SCRN3: variants seen among roughly 807,000 people sequenced by gnomAD.
SCRN3 encodes the protein secernin 3.
Under a neutral mutation model 43.1 loss-of-function variants are expected in SCRN3, and 39 were observed. That is an observed-to-expected ratio of 0.91 (90% CI 0.70 to 1.18). SCRN3 has a LOEUF of 1.18. Among genes scored for constraint, SCRN3 ranks in the 50% most tolerant of loss-of-function variants. SCRN3 has a pLI of 0.00. For missense variants in SCRN3, 484 were observed against 498.0 expected (o/e 0.97, Z 0.27); for synonymous variants, 147 against 163.1 (o/e 0.90, Z 0.75).
At position 174,396,278 on chromosome 2, in the gene SCRN3, T is replaced by G. The variant is rs1190260633; in HGVS notation, c.-10+461T>G. 3 of 990,296 alleles carry G rather than the reference T, an allele frequency of 3.0e-6. No homozygotes were observed. The East Asian group carries it at 3.3e-4, about 109-fold the overall frequency. 61.3% of individuals were successfully genotyped at this position (990,296 alleles called of 1,614,324 possible). ...CAATAAATACTTATTGAATGACGAA[T>G]ACGCGTTAGGAGTTGGTAAAATCTC... is the stretch of plus-strand genomic sequence containing the variant. On this transcript the variant is annotated intron_variant, in intron 1 of 7. Coordinates refer to ENST00000272732, the MANE Select transcript of SCRN3 (RefSeq NM_024583.5).
intron 2 of SCRN3, among the ~76,000 whole-genome samples, chr2:174,399,628 T>A (rs1685435068): frequency 6.6e-6 from 1 of 152,220 alleles, no homozygotes; most frequent in Non-Finnish European, 1.5e-5. Flanking sequence ...GAAGTTTTAG[T>A]TTCTCAAAAG....
intron 4 of SCRN3, among the ~76,000 whole-genome samples, chr2:174,402,812 A>C (rs1033478096): frequency 5.3e-5 from 8 of 152,088 alleles, no homozygotes; most frequent in South Asian, 2.1e-4. Context: ...CATTAGAGTA[A>C]TTTCATTGAT....
At chr2:174,420,935 A>C (rs1382333989) in intron 5 of SCRN3, among the ~76,000 whole-genome samples, 1 of 152,200 alleles carries the variant, frequency 6.6e-6, no homozygotes, top group East Asian at 1.9e-4. Flanking sequence ...AATTTCCCCA[A>C]ACTGATAAAA....
intron 6 of SCRN3, 147 bp from the exon 7 acceptor site, chr2:174,424,328 C>T: frequency 1.7e-6 from 1 of 589,116 alleles, no homozygotes; most frequent in Admixed American, 3.2e-5. Flanking sequence ...GGAAGACAGG[C>T]ATGGGTATAA....
At chr2:174,415,257 T>C in intron 5 of SCRN3, among the ~76,000 whole-genome samples, 1 of 152,194 alleles carries the variant, frequency 6.6e-6, no homozygotes, top group East Asian at 1.9e-4. Context: ...ATAGAGGATT[T>C]TTTTTCAACC....
At position 174,396,329 on chromosome 2, in the gene SCRN3, T is replaced by G. The variant is rs138202737; in HGVS notation, c.-10+512T>G. 1.3e-5 allele frequency: 13 copies of G among 986,120 alleles called. No homozygotes were observed. The African/African-American group carries it at 2.3e-4, about 17-fold the overall frequency. 61.1% of individuals were successfully genotyped at this position (986,120 alleles called of 1,614,324 possible). A position where few individuals can be genotyped will look rare whatever the true frequency, so the allele number is the denominator to read the frequency against. On this transcript the variant is annotated intron_variant, in intron 1 of 7. Transcript: ENST00000272732. ...TCAAGGCTTCACCTCCTCAGTGGGC[T>G]AGGTGCAATTCTAACCAGGGGGCAA...
chr2:174,411,835 C>T (rs1184139222), intron 5 of SCRN3, among the ~76,000 whole-genome samples: 1 of 152,106 alleles, frequency 6.6e-6, no homozygotes, highest in East Asian at 1.9e-4. Context: ...GCAGGAGAAT[C>T]GCTTGAACCT....
In SCRN3 at chr2:174,427,968, C is replaced by A; in HGVS notation, c.*73C>A. 9.6e-7 allele frequency: 1 copy of A among 1,038,850 alleles called. No individual in the cohort carries two copies. Among genetic ancestry groups the A allele is most frequent in the Non-Finnish European group, 1.4e-6 (1 of 702,394 alleles). 64.4% of individuals were successfully genotyped at this position (1,038,850 alleles called of 1,614,324 possible). ...AATCTTCAAAGTCAGAATCTATCAC[C>A]TTGGTAAATTATATAAACCTAACTT... On this transcript the variant is annotated 3_prime_UTR_variant, in exon 8 of 8. Coordinates refer to ENST00000272732, the MANE Select transcript of SCRN3 (RefSeq NM_024583.5).
rs1212550390 is a variant in SCRN3 at position 174,395,826 on chromosome 2, C to T, written c.-10+9C>T. ...GGTAGCTGGGAGGCCAGGTGAGGGG[C>T]GCGCACGGGGGAGGGGCGTGCATAG... On this transcript the variant is annotated intron_variant, in intron 1 of 7. Transcript: ENST00000272732. The T allele has an allele frequency of 6.6e-7, 1 of 1,519,296 alleles. No homozygotes were observed. The highest frequency in any genetic ancestry group is 8.8e-7 in the Non-Finnish European group (1 of 1,131,252). The allele number at this position is 1,519,296 out of a possible 1,614,324, so 94.1% of individuals were successfully genotyped here.
rs1436480946 is a variant in SCRN3, at chr2:174,424,585, C to T, written c.1028C>T (p.Pro343Leu). 2 of 1,613,272 alleles carry T rather than the reference C, an allele frequency of 1.2e-6. No homozygotes were observed. The highest frequency in any genetic ancestry group is 1.7e-6 in the Non-Finnish European group (2 of 1,179,604). Reference protein sequence around the residue: ...DLVKKKSHFKPDRRHPLYQKH... With the variant: ...DLVKKKSHFKLDRRHPLYQKH... The stretch of plus-strand genomic sequence containing the variant: ...GTTAAAAAGAAATCACATTTTAAGC[C>T]TGACAGAAGACACCCACTCTACCAA... Residue 343 changes from proline to leucine, a missense_variant, in exon 7 of 8, where the codon CCT (proline) becomes CTT (leucine). Pro to Leu is a moderately conservative substitution (Grantham distance 98). Transcript: ENST00000272732.
At chr2:174,400,471 T>A (rs79944783) in intron 3 of SCRN3, among the ~76,000 whole-genome samples, 4,273 of 151,640 alleles carry the variant, frequency 0.028, 243 homozygotes, top group East Asian at 0.23. Flanking sequence ...TTAAAAAAAA[T>A]TTTTTTTTCA....
In SCRN3 at chr2:174,429,353, C is replaced by G. The variant is rs993811909; in HGVS notation, c.*1458C>G. Reference sequence around the variant, plus strand: ...GCTAGACCATTGCGTTAACTGTTCTCCTACACCCATTTTTGTTCTTTATTT... The same window carrying G: ...GCTAGACCATTGCGTTAACTGTTCTGCTACACCCATTTTTGTTCTTTATTT... On this transcript the variant is annotated 3_prime_UTR_variant, in exon 8 of 8. Transcript: ENST00000272732. The G allele has an allele frequency of 1.3e-5, 2 of 152,154 alleles. No individual in the cohort carries two copies. Among genetic ancestry groups the G allele is most frequent in the Non-Finnish European group, 2.9e-5 (2 of 68,034 alleles). 9.4% of individuals were successfully genotyped at this position (152,154 alleles called of 1,614,324 possible). A position where few individuals can be genotyped will look rare whatever the true frequency, so the allele number is the denominator to read the frequency against.
chr2:174,414,765 C>CTT lies in SCRN3; in HGVS notation c.755-8105_755-8104dup, dbSNP rs553055709. ...CCATGACTATTTTCTTTTCTATTTT[C>CTT]TTTTTTTTTTTTTTTTGAGACAGAG... is the stretch of plus-strand genomic sequence containing the variant. On this transcript the variant is annotated intron_variant, in intron 5 of 7. Coordinates refer to ENST00000272732, the MANE Select transcript of SCRN3 (RefSeq NM_024583.5). Among the ~76,000 whole-genome samples the CTT allele has an allele frequency of 4.2e-3, 554 of 131,142 alleles. 6 individuals are homozygous for CTT. Among genetic ancestry groups the CTT allele is most frequent in the African/African-American group, 6.3e-3 (221 of 34,918 alleles). 86.0% of individuals were successfully genotyped at this position (131,142 alleles called of 152,430 possible). A position where few individuals can be genotyped will look rare whatever the true frequency, so the allele number is the denominator to read the frequency against.
intron 7 of SCRN3, 91 bp from the exon 8 acceptor site, chr2:174,427,622 T>C: frequency 1.5e-6 from 1 of 648,356 alleles, no homozygotes. Context: ...GAAGCCAGCA[T>C]GAACAAACCT....
At chr2:174,404,492 C>T (rs948626260) in intron 5 of SCRN3, among the ~76,000 whole-genome samples, 177 bp downstream of exon 5, 4 of 150,114 alleles carry the variant, frequency 2.7e-5, no homozygotes, top group African/African-American at 9.8e-5. Flanking sequence ...TTTTAGGGTA[C>T]ATGTGCACAT....
chr2:174,419,398 T>C (rs1195414401), intron 5 of SCRN3, among the ~76,000 whole-genome samples: 2 of 152,206 alleles, frequency 1.3e-5, no homozygotes, highest in Non-Finnish European at 2.9e-5. Flanking sequence ...GATTGAGTGA[T>C]TGACAGGGTC....
Position 174,401,175 on chromosome 2 carries a change from C to G in SCRN3, c.527C>G (p.Ala176Gly). The change falls in exon 4 of 8, where the codon GCA becomes GGA. Residue 176 changes from alanine to glycine, a missense_variant. Coordinates refer to ENST00000272732, the MANE Select transcript of SCRN3 (RefSeq NM_024583.5). Reference protein sequence around the residue: ...ILETAGKYWAAEKVQEGVRNI... With the variant: ...ILETAGKYWAGEKVQEGVRNI... ...GAGACTGCAGGGAAGTACTGGGCAG[C>G]AGAAAAAGTACAAGGTATGGACAAC... The G allele has an allele frequency of 6.2e-6, 10 of 1,613,248 alleles. No individual in the cohort carries two copies. The highest frequency in any genetic ancestry group is 8.5e-6 in the Non-Finnish European group (10 of 1,179,554).
At chr2:174,413,530 C>G (rs1435070761) in intron 5 of SCRN3, among the ~76,000 whole-genome samples, 3 of 150,366 alleles carry the variant, frequency 2.0e-5, no homozygotes, top group African/African-American at 7.3e-5. Context: ...GAATTCTCCT[C>G]TCTGACTCTC....
At chr2:174,417,228 A>T (rs957874192) in intron 5 of SCRN3, among the ~76,000 whole-genome samples, 1 of 152,138 alleles carries the variant, frequency 6.6e-6, no homozygotes. Flanking sequence ...ACCATGGCAC[A>T]CGTTTACCCA....
Sources: allele counts gnomAD v4.1 joint callset (sites outside exome capture counted in the v4.1 genomes callset), GRCh38; gene constraint gnomAD v4.1.1; transcripts MANE v1.5; gene names NCBI Gene and HGNC (gene_info 2026-07-23, HGNC 2026-07-21).